The following ZFHX3 variants were observed in gnomAD, a reference collection of about 807,000 sequenced individuals.
The protein encoded by ZFHX3 is zinc finger homeobox 3.
Under a neutral mutation model 279.1 loss-of-function variants are expected in ZFHX3, and 42 were observed. The ratio of observed to expected loss-of-function variants is 0.15; its 90% CI spans 0.12 to 0.19. The LOEUF is 0.19. Ranked by LOEUF, ZFHX3 falls within the 10% of genes least tolerant of loss-of-function variation. ZFHX3 has a pLI of 1.00. For synonymous variants in ZFHX3, 2,293 were observed against 1,957.8 expected (o/e 1.17, Z -4.52); for missense variants, 4,981 against 4,754.0 (o/e 1.05, Z -1.40).
chr16:72,795,537 C>T lies in ZFHX3; in HGVS notation c.7145G>A (p.Cys2382Tyr). ...MEILTPTSSS[C>Y]STPMPSQAYS... ...AGCCTGTGAGGGCATCGGGGTACTG[C>T]AGGATGAGCTGGTAGGCGTCAGGAT... Residue 2382 changes from cysteine (C) to tyrosine (Y), a missense_variant, in exon 9 of 10, where the codon TGC becomes TAC. Transcript: ENST00000268489. 6.2e-6 allele frequency: 10 copies of T among 1,614,056 alleles called. No individual in the cohort carries two copies. Among genetic ancestry groups the T allele is most frequent in the Non-Finnish European group, 8.5e-6 (10 of 1,180,028 alleles).
intron 6 of ZFHX3, among the ~76,000 whole-genome samples, chr16:73,139,328 C>T (rs777243248): frequency 2.6e-5 from 4 of 152,092 alleles, no homozygotes; most frequent in East Asian, 1.9e-4. Flanking sequence ...ACCACTGGCA[C>T]GAAATAAAAC....
At position 73,194,464 on chromosome 16, in the gene ZFHX3, T is replaced by G. The variant is rs551595607; in HGVS notation, c.-1103-50633A>C. ...ATCCTCCCACCTTGGCCTCCCAAAG[T>G]GCTGGGATTACAGGCATGAGCCACT... On this transcript the variant is annotated intron_variant, in intron 5 of 17. Coordinates refer to the ZFHX3 transcript ENST00000641206. 4.6e-5 allele frequency among the ~76,000 whole-genome samples: 7 copies of G among 152,294 alleles called. No homozygotes were observed. In the East Asian group the frequency reaches 1.2e-3, roughly 25 times the overall value.
At chr16:73,788,645 G>C (rs559919235) in intron 1 of ZFHX3, among the ~76,000 whole-genome samples, 3 of 152,050 alleles carry the variant, frequency 2.0e-5, no homozygotes, top group African/African-American at 7.2e-5. Context: ...TGAATTGAAA[G>C]AAATCACACA....
At chr16:73,267,185 G>A (rs920895387) in intron 4 of ZFHX3, among the ~76,000 whole-genome samples, 2 of 152,230 alleles carry the variant, frequency 1.3e-5, no homozygotes, top group African/African-American at 2.4e-5. Flanking sequence ...GGCAGAAGGA[G>A]AAGGGGGTTC....
intron 5 of ZFHX3, among the ~76,000 whole-genome samples, chr16:73,214,751 A>G (rs2012140862): frequency 6.7e-6 from 1 of 149,494 alleles, no homozygotes; most frequent in Non-Finnish European, 1.5e-5. Flanking sequence ...TCAAATGGAA[A>G]TTTTCTGGCA....
At chr16:73,755,109 C>T (rs902206692) in intron 1 of ZFHX3, among the ~76,000 whole-genome samples, 2 of 152,120 alleles carry the variant, frequency 1.3e-5, no homozygotes, top group African/African-American at 4.8e-5. Context: ...ATTCATCATT[C>T]GATGGTTTGA....
intron 1 of ZFHX3, among the ~76,000 whole-genome samples, chr16:73,811,633 G>T (rs984561232): frequency 6.6e-6 from 1 of 151,876 alleles, no homozygotes; most frequent in Admixed American, 6.6e-5. Flanking sequence ...TTTTAATAGA[G>T]ATGGGGTTTC....
At chr16:73,353,140 G>C (rs755989429) in intron 3 of ZFHX3, among the ~76,000 whole-genome samples, 16 of 152,176 alleles carry the variant, frequency 1.1e-4, no homozygotes, top group Non-Finnish European at 2.1e-4. Context: ...GAAACACTGT[G>C]CATTCATGAT....
At chr16:72,944,270 G>A (rs952473930) in intron 3 of ZFHX3, among the ~76,000 whole-genome samples, 3 of 152,232 alleles carry the variant, frequency 2.0e-5, no homozygotes, top group Non-Finnish European at 2.9e-5. Context: ...GAGCGACAGA[G>A]TGAGACCCTG....
At chr16:72,939,315 G>A (rs1960294973) in intron 3 of ZFHX3, among the ~76,000 whole-genome samples, 1 of 152,076 alleles carries the variant, frequency 6.6e-6, no homozygotes, top group Non-Finnish European at 1.5e-5. Flanking sequence ...AACCTTCCTG[G>A]GCCTGCGACA....
chr16:73,181,863 C>T (rs1318132407), intron 5 of ZFHX3, among the ~76,000 whole-genome samples: 2 of 152,232 alleles, frequency 1.3e-5, no homozygotes, highest in African/African-American at 2.4e-5. Flanking sequence ...TGATGTTCTA[C>T]CTGCCAATCT....
intron 3 of ZFHX3, among the ~76,000 whole-genome samples, chr16:72,941,026 T>A (rs1256572241): frequency 6.6e-6 from 1 of 152,208 alleles, no homozygotes; most frequent in African/African-American, 2.4e-5. Context: ...GGTCTACATA[T>A]AAGTAACCAG....
chr16:73,706,522 C>T (rs1597074989), intron 1 of ZFHX3, among the ~76,000 whole-genome samples: 1 of 151,898 alleles, frequency 6.6e-6, no homozygotes, highest in Non-Finnish European at 1.5e-5. Flanking sequence ...TCATCCATGG[C>T]CCTGAAGAGC....
At chr16:73,432,775 GTTT>G (rs1216651912) in intron 3 of ZFHX3, among the ~76,000 whole-genome samples, 1 of 110,146 alleles carries the variant, frequency 9.1e-6, no homozygotes, top group East Asian at 2.2e-4. Context: ...CGCTCTGTGT[GTTT>G]TTCTTCTTCT....
At chr16:72,956,129 T>C (rs573513669) in intron 2 of ZFHX3, among the ~76,000 whole-genome samples, 24 of 152,290 alleles carry the variant, frequency 1.6e-4, no homozygotes, top group South Asian at 1.0e-3. Flanking sequence ...ACTGAATACA[T>C]AGCAAGAAAA....
intron 1 of ZFHX3, among the ~76,000 whole-genome samples, chr16:73,826,145 TTTTA>T (rs1469424501): frequency 1.6e-5 from 2 of 125,092 alleles, no homozygotes; most frequent in African/African-American, 7.6e-5. Flanking sequence ...TTCCTAGGTA[TTTTA>T]TTCTCTTTGA....
intron 2 of ZFHX3, among the ~76,000 whole-genome samples, chr16:73,541,406 A>G (rs1353897099): frequency 6.6e-6 from 1 of 152,060 alleles, no homozygotes; most frequent in Non-Finnish European, 1.5e-5. Context: ...GGATCGCTTG[A>G]GCTCAGGAGG....
intron 2 of ZFHX3, among the ~76,000 whole-genome samples, chr16:73,557,942 C>G (rs1432561339): frequency 6.6e-6 from 1 of 152,154 alleles, no homozygotes; most frequent in East Asian, 1.9e-4. Flanking sequence ...CATTCTGGAG[C>G]CTCTCTGTGG....
chr16:73,406,437 C>T (rs1331747881), intron 3 of ZFHX3, among the ~76,000 whole-genome samples: 1 of 152,156 alleles, frequency 6.6e-6, no homozygotes, highest in Admixed American at 6.5e-5. Context: ...TCACAGTGTG[C>T]ACCTTTAGGG....
Sources: gnomAD v4.1 joint callset for allele counts (sites outside exome capture counted in the v4.1 genomes callset) on GRCh38, gnomAD v4.1.1 for gene constraint, MANE v1.5 for transcripts, NCBI Gene and HGNC (gene_info 2026-07-23, HGNC 2026-07-21) for gene names.